Variants in HHIP observed in about 807,000 individuals in gnomAD.
The protein encoded by HHIP is hedgehog interacting protein.
Under a neutral mutation model 74.0 loss-of-function variants are expected in HHIP, and 12 were observed. The ratio of observed to expected loss-of-function variants is 0.16; its 90% confidence interval spans 0.10 to 0.26. HHIP has a LOEUF of 0.26. Ranked by LOEUF, HHIP falls within the 10% of genes least tolerant of loss-of-function variation. The probability of loss-of-function intolerance (pLI) is 1.00; values close to 1 mark genes in which losing one functional copy is unlikely to be tolerated. For missense variants in HHIP, 788 were observed against 845.0 expected, an observed-to-expected ratio of 0.93 and a Z score of 0.84; for synonymous variants, 309 against 311.6, an observed-to-expected ratio of 0.99 and a Z score of 0.09.
At chr4:144,656,166 T>C (rs1254069753) in intron 2 of HHIP, among the ~76,000 whole-genome samples, 1 of 152,174 alleles carries the variant, frequency 6.6e-6, no homozygotes, top group Admixed American at 6.6e-5. Context: ...TAAGGTAAAG[T>C]ATTAATAAAA....
chr4:144,720,597 G>T lies in HHIP; in HGVS notation c.1760+1641G>T, dbSNP rs116023712. ...TGTGATCTTAGTTCTCCTCTAGTAG[G>T]GTGGTCTCAGAGTGACATACCTGAA... On this transcript the variant is annotated intron_variant, in intron 11 of 12. Transcript: ENST00000296575. 4.1e-3 allele frequency among the ~76,000 whole-genome samples: 628 copies of T among 152,050 alleles called. 10 individuals carry two copies. The highest frequency in any genetic ancestry group is 0.015 in the African/African-American group (610 of 41,476).
At chr4:144,721,308 C>A (rs1397137969) in intron 11 of HHIP, among the ~76,000 whole-genome samples, 1 of 151,412 alleles carries the variant, frequency 6.6e-6, no homozygotes, top group Admixed American at 6.6e-5. Flanking sequence ...CACACAAAAA[C>A]ACACACACAC....
intron 4 of HHIP, among the ~76,000 whole-genome samples, chr4:144,692,609 A>G (rs1177013901): frequency 6.6e-6 from 1 of 152,122 alleles, no homozygotes; most frequent in Non-Finnish European, 1.5e-5. Flanking sequence ...TCTTTCCCGT[A>G]ACACCCTATT....
chr4:144,731,441 T>C (rs1054014844), intron 11 of HHIP, among the ~76,000 whole-genome samples: 4 of 152,144 alleles, frequency 2.6e-5, no homozygotes, highest in African/African-American at 9.7e-5. Context: ...TATTTTGAGA[T>C]GGGGTTTCAC....
At chr4:144,724,137 C>T (rs1730725017) in intron 11 of HHIP, among the ~76,000 whole-genome samples, 1 of 152,126 alleles carries the variant, frequency 6.6e-6, no homozygotes, top group African/African-American at 2.4e-5. Context: ...ATGGTAGCAG[C>T]CTGAGTATCA....
chr4:144,681,889 T>C (rs1051574397), intron 4 of HHIP, among the ~76,000 whole-genome samples: 1 of 152,214 alleles, frequency 6.6e-6, no homozygotes, highest in Non-Finnish European at 1.5e-5. Context: ...GCTTTAGTTA[T>C]AAAATTATAA....
intron 11 of HHIP, among the ~76,000 whole-genome samples, chr4:144,724,293 C>A (rs919564460): frequency 6.6e-6 from 1 of 152,022 alleles, no homozygotes; most frequent in Non-Finnish European, 1.5e-5. Flanking sequence ...TAATTTATGA[C>A]AAAAAACTTT....
At chr4:144,712,187 C>G in intron 8 of HHIP, 116 bp downstream of exon 8, 1 of 882,966 alleles carries the variant, frequency 1.1e-6, no homozygotes, top group Non-Finnish European at 1.8e-6. Context: ...CATAAAAACA[C>G]TGGCCTAACA....
At chr4:144,708,028 C>G (rs1016428333) in intron 6 of HHIP, 140 bp from the exon 7 acceptor site, 3 of 846,950 alleles carry the variant, frequency 3.5e-6, no homozygotes, top group Non-Finnish European at 5.5e-6. Flanking sequence ...CAGACGTGAG[C>G]CACTGCATCC....
rs1211646161 is a variant in HHIP, at chr4:144,739,324, G to GA, written c.*1373dup. 4 of 152,142 alleles carry GA rather than the reference G, an allele frequency of 2.6e-5. No homozygotes were observed. 9.4% of individuals were successfully genotyped at this position (152,142 alleles called of 1,614,324 possible). ...AAATATAAGGCCTCTTTGCACTAGT[G>GA]AAAAAACACGTCTACTCATGACAAG... is the stretch of plus-strand genomic sequence containing the variant. On this transcript the variant is annotated 3_prime_UTR_variant, in exon 13 of 13. Transcript: ENST00000296575.
At chr4:144,696,321 A>G (rs183808088) in intron 4 of HHIP, among the ~76,000 whole-genome samples, 15 of 152,000 alleles carry the variant, frequency 9.9e-5, no homozygotes, top group African/African-American at 1.2e-4. Context: ...ACACTACCTT[A>G]AAACCTAAAT....
At chr4:144,684,116 T>C (rs1047681423) in intron 4 of HHIP, among the ~76,000 whole-genome samples, 5 of 149,324 alleles carry the variant, frequency 3.3e-5, no homozygotes, top group African/African-American at 1.2e-4. Context: ...CTCACGCCTG[T>C]AATCTCAGCA....
In HHIP at chr4:144,646,532, T is replaced by G; in HGVS notation, c.-144T>G. On this transcript the variant is annotated 5_prime_UTR_variant, in exon 1 of 13. Coordinates refer to ENST00000296575, the MANE Select transcript of HHIP (RefSeq NM_022475.3). ...TTGCAAAGTTGCATCGCTGTACATATTTTTGTCCCCGCCACCTCCCTCTGT... is the reference window on the plus strand; with the variant it reads ...TTGCAAAGTTGCATCGCTGTACATAGTTTTGTCCCCGCCACCTCCCTCTGT... The G allele has an allele frequency of 1.3e-6, 1 of 756,038 alleles. No homozygotes were observed. The highest frequency in any genetic ancestry group is 2.5e-5 in the East Asian group (1 of 39,350). 46.8% of individuals were successfully genotyped at this position (756,038 alleles called of 1,614,324 possible). A position where few individuals can be genotyped will look rare whatever the true frequency, so the allele number is the denominator to read the frequency against.
At chr4:144,679,053 C>T (rs1334737079) in intron 4 of HHIP, among the ~76,000 whole-genome samples, 1 of 152,152 alleles carries the variant, frequency 6.6e-6, no homozygotes, top group East Asian at 1.9e-4. Flanking sequence ...TGTTTCCTGA[C>T]TTTTTAATGA....
intron 1 of HHIP, among the ~76,000 whole-genome samples, chr4:144,647,872 C>A (rs567209921): frequency 6.6e-6 from 1 of 152,232 alleles, no homozygotes; most frequent in South Asian, 2.1e-4. Flanking sequence ...TTTGCTCCCC[C>A]TCCCTTTCCC....
At position 144,718,907 on chromosome 4, in the gene HHIP, A is replaced by G; in HGVS notation, c.1711A>G (p.Met571Val). Residue 571 changes from methionine to valine, a missense_variant, in exon 11 of 13, where the codon ATG (methionine) becomes GTG (valine). Met to Val is a conservative substitution (Grantham distance 21). Coordinates refer to ENST00000296575, the MANE Select transcript of HHIP (RefSeq NM_022475.3). ...TTACATTTTATCAAGCAGTAAAAGT[A>G]TGACCCAGACTCACAATGGAAAACT... is the stretch of plus-strand genomic sequence containing the variant. The part of the protein sequence containing the change: ...EVYILSSSKS[M>V]TQTHNGKLYK... 6.2e-7 allele frequency: 1 copy of G among 1,610,978 alleles called. No individual in the cohort carries two copies. The highest frequency in any genetic ancestry group is 8.5e-7 in the Non-Finnish European group (1 of 1,177,340).
At chr4:144,680,146 G>A (rs1004515886) in intron 4 of HHIP, among the ~76,000 whole-genome samples, 6 of 152,072 alleles carry the variant, frequency 3.9e-5, no homozygotes, top group African/African-American at 1.4e-4. Flanking sequence ...TTACATGTCT[G>A]AGTTTTAGGT....
At chr4:144,712,523 A>T (rs184496153) in intron 8 of HHIP, among the ~76,000 whole-genome samples, 31 of 152,316 alleles carry the variant, frequency 2.0e-4, no homozygotes, top group Admixed American at 9.2e-4. Context: ...GTAATTTTTT[A>T]AAAAATGTTT....
intron 7 of HHIP, among the ~76,000 whole-genome samples, chr4:144,709,533 G>A (rs951009391): frequency 1.3e-5 from 2 of 152,190 alleles, no homozygotes; most frequent in African/African-American, 4.8e-5. Flanking sequence ...CACCTCTGGT[G>A]GCAGAGGGCT....
Sources: allele counts gnomAD v4.1 joint callset (sites outside exome capture counted in the v4.1 genomes callset), GRCh38; gene constraint gnomAD v4.1.1; transcripts MANE v1.5; gene names NCBI Gene and HGNC (gene_info 2026-07-23, HGNC 2026-07-21).